The following ZNF141 variants were observed in gnomAD, a reference collection of about 807,000 sequenced individuals.
The protein encoded by ZNF141 is zinc finger protein 141.
A neutral mutation model predicts 11.3 loss-of-function variants in ZNF141; 7 were observed. The ratio of observed to expected loss-of-function variants is 0.62; its 90% CI spans 0.35 to 1.16. The LOEUF is 1.16. ZNF141 is among the 50% of genes most tolerant of loss of function. The pLI is 0.02. For missense variants in ZNF141, 535 were observed against 554.0 expected, an observed-to-expected ratio of 0.97 and a Z score of 0.34; for synonymous variants, 183 against 190.7, an observed-to-expected ratio of 0.96 and a Z score of 0.33.
intron 3 of ZNF141, among the ~76,000 whole-genome samples, chr4:355,173 C>CTTTAT (rs1192789889): frequency 1.3e-5 from 2 of 151,272 alleles, no homozygotes; most frequent in Admixed American, 6.6e-5. Context: ...GAATTTTTTT[C>CTTTAT]TTTATTTTAT....
intron 3 of ZNF141, among the ~76,000 whole-genome samples, chr4:346,891 A>ACCCCCCC (rs1227407362): frequency 8.3e-6 from 1 of 120,042 alleles, no homozygotes; most frequent in African/African-American, 3.7e-5. Context: ...ACACACACAC[A>ACCCCCCC]CACCGCCCCC....
chr4:346,001 C>CT (rs1721303034), intron 3 of ZNF141, among the ~76,000 whole-genome samples: 1 of 152,122 alleles, frequency 6.6e-6, no homozygotes, highest in Non-Finnish European at 1.5e-5. Context: ...AGTAGGAAGT[C>CT]TGTTGAGATT....
At position 383,329 on chromosome 4, in the gene ZNF141, T is replaced by A; in HGVS notation, c.*9467T>A. The A allele has an allele frequency of 1.7e-6, 1 of 580,988 alleles. No homozygotes were observed. The highest frequency in any genetic ancestry group is 3.0e-6 in the Non-Finnish European group (1 of 329,586). The allele number at this position is 580,988 out of a possible 1,614,324, so 36.0% of individuals were successfully genotyped here. A position where few individuals can be genotyped will look rare whatever the true frequency, so the allele number is the denominator to read the frequency against. ...ATCCTGAGCTAGTATGTTTCGGGATTGTTATGCAGTTATAAGTTAGTAATA... is the reference window on the plus strand; with the variant it reads ...ATCCTGAGCTAGTATGTTTCGGGATAGTTATGCAGTTATAAGTTAGTAATA... On this transcript the variant is annotated 3_prime_UTR_variant, in exon 4 of 4. Transcript: ENST00000240499.
Position 376,571 on chromosome 4 carries a change from A to G in ZNF141, c.*2709A>G, listed in dbSNP as rs1198804806. The stretch of plus-strand genomic sequence containing the variant: ...CCTGAATACTTCTAAAAAATGTTTT[A>G]CATTTCTCTTTGAACATGTGGCATC... On this transcript the variant is annotated 3_prime_UTR_variant, in exon 4 of 4. Coordinates refer to ENST00000240499, the MANE Select transcript of ZNF141 (RefSeq NM_003441.4). Among the ~76,000 whole-genome samples, 1 of 152,100 alleles carries G rather than the reference A, an allele frequency of 6.6e-6. No individual in the cohort carries two copies. The highest frequency in any genetic ancestry group is 1.5e-5 in the Non-Finnish European group (1 of 67,932).
chr4:372,304 C>A (rs975255254), intron 3 of ZNF141, among the ~76,000 whole-genome samples: 5 of 152,186 alleles, frequency 3.3e-5, no homozygotes, highest in Non-Finnish European at 5.9e-5. Flanking sequence ...CAGTATTTTT[C>A]TTCTCTTTAA....
chr4:353,270 G>A (rs1245097377), intron 3 of ZNF141, among the ~76,000 whole-genome samples: 2 of 151,400 alleles, frequency 1.3e-5, no homozygotes, highest in Non-Finnish European at 2.9e-5. Context: ...GCTACTTGGG[G>A]GACTGAGTCT....
chr4:342,815 T>A, intron 1 of ZNF141: 1 of 1,605,838 alleles, frequency 6.2e-7, no homozygotes, highest in Non-Finnish European at 8.5e-7. Context: ...ACAGAAAAAA[T>A]TCAAACAGGT....
At chr4:345,614 T>G (rs1423826805) in intron 3 of ZNF141, among the ~76,000 whole-genome samples, 1 of 151,262 alleles carries the variant, frequency 6.6e-6, no homozygotes, top group Non-Finnish European at 1.5e-5. Context: ...TGTAATCCCA[T>G]CTACTTGGGA....
intron 3 of ZNF141, among the ~76,000 whole-genome samples, chr4:346,475 A>G (rs1481862225): frequency 1.3e-5 from 2 of 152,226 alleles, no homozygotes; most frequent in Non-Finnish European, 2.9e-5. Context: ...AAGAACACTT[A>G]AGGCCTACTG....
Position 373,057 on chromosome 4 carries a change from C to A in ZNF141, c.620C>A (p.Ala207Asp). 6.2e-7 allele frequency: 1 copy of A among 1,613,480 alleles called. No homozygotes were observed. Among genetic ancestry groups the A allele is most frequent in the Middle Eastern group, 1.7e-4 (1 of 6,060 alleles). Residue 207 changes from alanine (A) to aspartate (D), a missense_variant, in exon 4 of 4, where the codon GCC becomes GAC. Physicochemically the swap from Ala to Asp is moderately radical, Grantham distance 126 (BLOSUM62 -2). Coordinates refer to ENST00000240499, the MANE Select transcript of ZNF141 (RefSeq NM_003441.4). ...KPYTCEECGK[A>D]FKWSLIFNEH... ...TACACTTGTGAAGAATGTGGCAAAG[C>A]CTTTAAATGGTCTTTAATATTTAAT...
At position 373,473 on chromosome 4, in the gene ZNF141, A is replaced by G. The variant is rs1553853999; in HGVS notation, c.1036A>G (p.Lys346Glu). Residue 346 changes from lysine (K) to glutamate (E), a missense_variant, in exon 4 of 4, where the codon AAA (lysine) becomes GAA (glutamate). Lys to Glu is a moderately conservative substitution (Grantham distance 56). Transcript: ENST00000240499. ...ACCCTACACATGTGAAGAATGTGGC[A>G]AAGCTTTTAGACAGTCCTCAAAACT... ...EKPYTCEECG[K>E]AFRQSSKLNE... The G allele has an allele frequency of 6.2e-7, 1 of 1,614,070 alleles. No homozygotes were observed. Among genetic ancestry groups the G allele is most frequent in the Non-Finnish European group, 8.5e-7 (1 of 1,180,042 alleles).
rs1405673591 is a variant in ZNF141, at chr4:384,278, CTCT to C, written c.*10419_*10421del. 1 of 152,218 alleles carries C rather than the reference CTCT, an allele frequency of 6.6e-6. No homozygotes were observed. Among genetic ancestry groups the C allele is most frequent in the Middle Eastern group, 3.2e-3 (1 of 316 alleles). 9.4% of individuals were successfully genotyped at this position (152,218 alleles called of 1,614,324 possible). ...AGGAGATCTGAAGACATGGTGCTCT[CTCT>C]TCCTGTGGACCCATCATTCCTTGTT... On this transcript the variant is annotated 3_prime_UTR_variant, in exon 4 of 4. Transcript: ENST00000240499.
chr4:347,437 T>TCACGCCATTCTCCTGCCTC (rs1462074022), intron 3 of ZNF141, among the ~76,000 whole-genome samples: 3 of 151,436 alleles, frequency 2.0e-5, no homozygotes, highest in Admixed American at 6.6e-5. Context: ...CCTCCTGGGT[T>TCACGCCATTCTCCTGCCTC]CACGCCATTC....
At chr4:363,940 T>G (rs1429888028) in intron 3 of ZNF141, among the ~76,000 whole-genome samples, 1 of 152,028 alleles carries the variant, frequency 6.6e-6, no homozygotes, top group Non-Finnish European at 1.5e-5. Flanking sequence ...CTGCATCTAT[T>G]GAGACAATCA....
chr4:339,188 A>T (rs1553848039), intron 1 of ZNF141, among the ~76,000 whole-genome samples: 1 of 152,256 alleles, frequency 6.6e-6, no homozygotes, highest in Non-Finnish European at 1.5e-5. Context: ...TCCCAAGAAC[A>T]CACACAGTGC....
chr4:337,990 A>C lies in ZNF141; in HGVS notation c.3+4A>C. 1 of 1,613,330 alleles carries C rather than the reference A, an allele frequency of 6.2e-7. No individual in the cohort carries two copies. Among genetic ancestry groups the C allele is most frequent in the Non-Finnish European group, 8.5e-7 (1 of 1,179,536 alleles). On this transcript the variant is annotated splice_donor_region_variant and intron_variant, in intron 1 of 3. Coordinates refer to ENST00000240499, the MANE Select transcript of ZNF141 (RefSeq NM_003441.4). ...ATACTTCAGAAGTGGGGAAATGGTG[A>C]GTGTGCGGGGCAGGGCGTCCCAAGG...
At position 382,159 on chromosome 4, in the gene ZNF141, C is replaced by A. The variant is rs1334749670; in HGVS notation, c.*8297C>A. 5.3e-5 allele frequency among the ~76,000 whole-genome samples: 8 copies of A among 151,776 alleles called. No individual in the cohort carries two copies. Among genetic ancestry groups the A allele is most frequent in the Non-Finnish European group, 1.0e-4 (7 of 67,984 alleles). On this transcript the variant is annotated 3_prime_UTR_variant, in exon 4 of 4. Transcript: ENST00000240499. ...GACGGGGTTTCACCATGTTAGCCAA[C>A]AAGGTCTTGATTTCCTGACCTCGTG...
At chr4:370,641 G>T (rs1712009233) in intron 3 of ZNF141, among the ~76,000 whole-genome samples, 1 of 152,144 alleles carries the variant, frequency 6.6e-6, no homozygotes, top group Admixed American at 6.6e-5. Flanking sequence ...CCGCTTCTAA[G>T]ATTCCATTTT....
chr4:358,406 G>C, intron 3 of ZNF141: 1 of 287,012 alleles, frequency 3.5e-6, no homozygotes, highest in Non-Finnish European at 6.8e-6. Flanking sequence ...GGCTGGTCTC[G>C]AACTCCTGAC....
Sources: gnomAD v4.1 joint callset for allele counts (sites outside exome capture counted in the v4.1 genomes callset) on GRCh38, gnomAD v4.1.1 for gene constraint, MANE v1.5 for transcripts, NCBI Gene and HGNC (gene_info 2026-07-23, HGNC 2026-07-21) for gene names.